Variants in THRB observed in about 807,000 individuals in gnomAD.
THRB encodes the protein nuclear receptor subfamily 1 group A member 2.
Under a neutral mutation model 47.8 loss-of-function variants are expected in THRB, and 12 were observed. That is an observed-to-expected ratio of 0.25 (90% CI 0.16 to 0.41). The LOEUF (loss-of-function observed/expected upper bound fraction) is 0.41. Ranked by LOEUF, THRB falls within the 10% of genes least tolerant of loss-of-function variation. The probability of loss-of-function intolerance (pLI) is 1.00; values close to 1 mark genes in which losing one functional copy is unlikely to be tolerated. For missense variants in THRB, 348 were observed against 589.2 expected (o/e 0.59, Z 4.24); for synonymous variants, 218 against 212.2 (o/e 1.03, Z -0.24).
chr3:24,289,223 T>C (rs1048004476), intron 3 of THRB, among the ~76,000 whole-genome samples: 4 of 152,154 alleles, frequency 2.6e-5, no homozygotes, highest in Non-Finnish European at 4.4e-5. Context: ...ACACGTAGGA[T>C]TTAAAGCACC....
intron 3 of THRB, among the ~76,000 whole-genome samples, chr3:24,289,753 C>A (rs1192385598): frequency 6.6e-6 from 1 of 152,162 alleles, no homozygotes; most frequent in Non-Finnish European, 1.5e-5. Context: ...TTCATGAAAT[C>A]TCTCTAACAT....
chr3:24,166,874 G>T (rs555159095), intron 5 of THRB, among the ~76,000 whole-genome samples: 8 of 152,100 alleles, frequency 5.3e-5, no homozygotes, highest in Non-Finnish European at 8.8e-5. Flanking sequence ...CAATTGCAAC[G>T]TGGAATTCTG....
At chr3:24,184,221 A>C (rs146980467) in intron 5 of THRB, among the ~76,000 whole-genome samples, 277 of 152,368 alleles carry the variant, frequency 1.8e-3, no homozygotes, top group African/African-American at 6.4e-3. Flanking sequence ...TTATTGGAAC[A>C]TTCCCCAGTG....
intron 2 of THRB, among the ~76,000 whole-genome samples, chr3:24,306,169 G>A (rs1049658231): frequency 2.6e-5 from 4 of 152,108 alleles, no homozygotes; most frequent in African/African-American, 7.2e-5. Context: ...AGGGCCCGGG[G>A]TTTGCTTTGG....
chr3:24,354,231 G>A (rs187456183), intron 1 of THRB, among the ~76,000 whole-genome samples: 2 of 152,230 alleles, frequency 1.3e-5, no homozygotes, highest in East Asian at 3.9e-4. Context: ...TTGGGTGGAG[G>A]ATAGGAGGAG....
At chr3:24,331,774 C>G (rs762968707) in intron 2 of THRB, among the ~76,000 whole-genome samples, 1 of 152,132 alleles carries the variant, frequency 6.6e-6, no homozygotes, top group Non-Finnish European at 1.5e-5. Context: ...ATTTACTCTA[C>G]AAATTTGATC....
At chr3:24,443,241 C>T (rs1431499000) in intron 1 of THRB, among the ~76,000 whole-genome samples, 2 of 152,024 alleles carry the variant, frequency 1.3e-5, no homozygotes, top group Non-Finnish European at 2.9e-5. Flanking sequence ...ACCAAAATTG[C>T]CACAAATAGA....
intron 10 of THRB, among the ~76,000 whole-genome samples, 169 bp downstream of exon 10, chr3:24,127,330 C>A (rs141463714): frequency 6.6e-6 from 1 of 152,168 alleles, no homozygotes. Flanking sequence ...AGACATCTGA[C>A]GCCCCCCCTT....
At chr3:24,228,884 C>T in intron 4 of THRB, 54 bp downstream of exon 4, 2 of 1,521,886 alleles carry the variant, frequency 1.3e-6, no homozygotes, top group Non-Finnish European at 1.8e-6. Flanking sequence ...TAATTTCACT[C>T]TAGGTGGAAC....
At chr3:24,276,437 C>T (rs2150739783) in intron 3 of THRB, among the ~76,000 whole-genome samples, 1 of 152,280 alleles carries the variant, frequency 6.6e-6, no homozygotes, top group East Asian at 1.9e-4. Context: ...AGGGTTCAAA[C>T]CCAGGTTGCA....
chr3:24,273,516 G>T (rs144466928), intron 3 of THRB, among the ~76,000 whole-genome samples: 164 of 152,166 alleles, frequency 1.1e-3, no homozygotes, highest in African/African-American at 3.8e-3. Flanking sequence ...AAAATGAGAA[G>T]AAAAAGGGCA....
chr3:24,431,261 T>TCTACACACACAC (rs767685100), intron 1 of THRB, among the ~76,000 whole-genome samples: 23 of 135,790 alleles, frequency 1.7e-4, no homozygotes, highest in African/African-American at 6.2e-4. Flanking sequence ...TCTCTCTCTC[T>TCTACACACACAC]ACACACACAC....
chr3:24,223,556 G>T (rs1316666268), intron 4 of THRB, among the ~76,000 whole-genome samples: 1 of 151,900 alleles, frequency 6.6e-6, no homozygotes, highest in Non-Finnish European at 1.5e-5. Flanking sequence ...AGATAGAGAT[G>T]GAAAGAGAGA....
At chr3:24,421,762 T>C (rs964718387) in intron 1 of THRB, among the ~76,000 whole-genome samples, 3 of 151,944 alleles carry the variant, frequency 2.0e-5, no homozygotes. Flanking sequence ...ATGCTATTAA[T>C]GAAATTAATG....
At chr3:24,269,833 T>TTA (rs1325870218) in intron 3 of THRB, among the ~76,000 whole-genome samples, 1 of 152,218 alleles carries the variant, frequency 6.6e-6, no homozygotes, top group African/African-American at 2.4e-5. Flanking sequence ...GATGCCCACT[T>TTA]TATCAGTAAG....
At chr3:24,158,327 C>T (rs1200646175) in intron 5 of THRB, among the ~76,000 whole-genome samples, 1 of 151,152 alleles carries the variant, frequency 6.6e-6, no homozygotes, top group Non-Finnish European at 1.5e-5. Context: ...TTTGTTCTTG[C>T]ATTATGCCTT....
chr3:24,127,351 G>A, intron 10 of THRB, 148 bp downstream of exon 10: 1 of 830,386 alleles, frequency 1.2e-6, no homozygotes, highest in Non-Finnish European at 1.9e-6. Context: ...TAAGTTCCCA[G>A]TCCACTGGCA....
chr3:24,121,157 A>G lies in THRB; in HGVS notation c.*1727T>C, dbSNP rs1441692663. ...GATTTTTTTTTTCCCCTTGAAATTC[A>G]GACAATATTAAGGGCAGGAAGGGTT... On this transcript the variant is annotated 3_prime_UTR_variant, in exon 11 of 11. Coordinates refer to ENST00000646209, the MANE Select transcript of THRB (RefSeq NM_001354712.2). 1 of 152,210 alleles carries G rather than the reference A, an allele frequency of 6.6e-6. No homozygotes were observed. Among genetic ancestry groups the G allele is most frequent in the Non-Finnish European group, 1.5e-5 (1 of 68,026 alleles). 9.4% of individuals were successfully genotyped at this position (152,210 alleles called of 1,614,324 possible).
chr3:24,356,879 C>G (rs1232962758), intron 1 of THRB, among the ~76,000 whole-genome samples: 1 of 152,096 alleles, frequency 6.6e-6, no homozygotes, highest in Non-Finnish European at 1.5e-5. Flanking sequence ...ACCCTCCTGT[C>G]AGACTCCCTT....
Sources: gnomAD v4.1 joint callset for allele counts (sites outside exome capture counted in the v4.1 genomes callset) on GRCh38, gnomAD v4.1.1 for gene constraint, MANE v1.5 for transcripts, NCBI Gene and HGNC (gene_info 2026-07-23, HGNC 2026-07-21) for gene names.